The following PDLIM5 variants were observed in gnomAD, a reference collection of about 807,000 sequenced individuals.
The protein encoded by PDLIM5 is PDZ and LIM domain 5, also known as PDZ and LIM domain protein 5.
Under a neutral mutation model 64.2 loss-of-function variants are expected in PDLIM5, and 34 were observed. That is an observed-to-expected ratio of 0.53 (90% CI 0.40 to 0.71). The LOEUF is 0.71. PDLIM5 is among the 30% of genes least tolerant of loss of function. PDLIM5 has a pLI of 0.00. For synonymous variants in PDLIM5, 253 were observed against 269.1 expected, an observed-to-expected ratio of 0.94 and a Z score of 0.59; for missense variants, 683 against 733.6, an observed-to-expected ratio of 0.93 and a Z score of 0.80.
At chr4:94,531,007 G>C (rs934501401) in intron 3 of PDLIM5, among the ~76,000 whole-genome samples, 1 of 152,134 alleles carries the variant, frequency 6.6e-6, no homozygotes, top group African/African-American at 2.4e-5. Flanking sequence ...GAAGTTTTCA[G>C]TTCTCTATCT....
intron 2 of PDLIM5, among the ~76,000 whole-genome samples, chr4:94,482,096 C>T (rs750806516): frequency 7.9e-5 from 12 of 151,234 alleles, no homozygotes; most frequent in Non-Finnish European, 1.5e-4. Context: ...GAAGTAGCCA[C>T]TTCACAGATA....
chr4:94,660,751 G>A (rs1452799398), intron 11 of PDLIM5, among the ~76,000 whole-genome samples: 2 of 152,174 alleles, frequency 1.3e-5, no homozygotes, highest in East Asian at 3.9e-4. Flanking sequence ...AAGGTTAATC[G>A]AGTTGCAAAT....
chr4:94,455,795 AT>A (rs769857194), intron 2 of PDLIM5: 2 of 1,515,518 alleles, frequency 1.3e-6, no homozygotes, highest in South Asian at 2.4e-5. Flanking sequence ...GAATAAAATG[AT>A]TGTTTCGGAA....
At chr4:94,614,879 C>A (rs1025587391) in intron 7 of PDLIM5, among the ~76,000 whole-genome samples, 4 of 152,192 alleles carry the variant, frequency 2.6e-5, no homozygotes, top group Non-Finnish European at 5.9e-5. Context: ...AAGATTTTGT[C>A]TGGGGTCAAT....
chr4:94,659,541 T>C (rs1553984132), intron 11 of PDLIM5, among the ~76,000 whole-genome samples: 1 of 141,994 alleles, frequency 7.0e-6, no homozygotes, highest in African/African-American at 2.6e-5. Context: ...TGTGTGTGTA[T>C]TGTTTAGACG....
chr4:94,547,493 C>T (rs1041519368), intron 3 of PDLIM5, among the ~76,000 whole-genome samples: 34 of 152,254 alleles, frequency 2.2e-4, no homozygotes, highest in Non-Finnish European at 2.4e-4. Flanking sequence ...AGTAGGCCCA[C>T]TGGATAATCT....
At chr4:94,494,432 G>GGTTTTTTTTT (rs1553940971) in intron 2 of PDLIM5, among the ~76,000 whole-genome samples, 19 of 70,770 alleles carry the variant, frequency 2.7e-4, no homozygotes, top group Non-Finnish European at 4.4e-4. Context: ...TTTTTTTCTT[G>GGTTTTTTTTT]TTTTTTTTTT....
rs1432836041 is a variant in PDLIM5, at chr4:94,535,040, G to C, written c.248+11165G>C. ...CTTAGACACTGAGGTATTATTGAAAGCTTTATCAGAAAAGTGACATTTTCA... is the reference window on the plus strand; with the variant it reads ...CTTAGACACTGAGGTATTATTGAAACCTTTATCAGAAAAGTGACATTTTCA... On this transcript the variant is annotated intron_variant, in intron 3 of 12. Coordinates refer to ENST00000317968, the MANE Select transcript of PDLIM5 (RefSeq NM_006457.5). Among the ~76,000 whole-genome samples, 5 of 152,298 alleles carry C rather than the reference G, an allele frequency of 3.3e-5. No homozygotes were observed. The East Asian group carries it at 9.6e-4, about 29-fold the overall frequency.
Position 94,666,562 on chromosome 4 carries a change from T to G in PDLIM5, c.*2495T>G, listed in dbSNP as rs1355007046. On this transcript the variant is annotated 3_prime_UTR_variant, in exon 13 of 13. Transcript: ENST00000317968. ...ATACAAAATAAGTTGATGGTTTTGTTTGGTGTGAGCTTTTTGTTTGTTTGT... is the reference window on the plus strand; with the variant it reads ...ATACAAAATAAGTTGATGGTTTTGTGTGGTGTGAGCTTTTTGTTTGTTTGT... 6.7e-6 allele frequency: 1 copy of G among 148,756 alleles called. No individual in the cohort carries two copies. The highest frequency in any genetic ancestry group is 2.4e-5 in the African/African-American group (1 of 40,898). The allele number at this position is 148,756 out of a possible 1,614,324, so 9.2% of individuals were successfully genotyped here. A position where few individuals can be genotyped will look rare whatever the true frequency, so the allele number is the denominator to read the frequency against.
intron 3 of PDLIM5, among the ~76,000 whole-genome samples, chr4:94,550,211 A>G (rs1732690971): frequency 6.6e-6 from 1 of 152,156 alleles, no homozygotes; most frequent in South Asian, 2.1e-4. Context: ...TGTCTTAAAT[A>G]TTCTTCTCTT....
chr4:94,524,258 A>C (rs1413466045), intron 3 of PDLIM5, among the ~76,000 whole-genome samples: 2 of 151,274 alleles, frequency 1.3e-5, no homozygotes, highest in African/African-American at 2.4e-5. Context: ...AGTCCCAGCT[A>C]TCCAGGAGGC....
chr4:94,540,052 C>T (rs1731655300), intron 3 of PDLIM5, among the ~76,000 whole-genome samples: 1 of 151,610 alleles, frequency 6.6e-6, no homozygotes, highest in African/African-American at 2.4e-5. Context: ...TAATGTGTGT[C>T]AGACATTCTT....
At chr4:94,486,489 T>A (rs1726351042) in intron 2 of PDLIM5, among the ~76,000 whole-genome samples, 1 of 152,178 alleles carries the variant, frequency 6.6e-6, no homozygotes, top group Non-Finnish European at 1.5e-5. Context: ...CATCCCCTTT[T>A]TTCTTACTAG....
intron 7 of PDLIM5, among the ~76,000 whole-genome samples, chr4:94,601,332 G>A (rs1737473857): frequency 6.6e-6 from 1 of 152,094 alleles, no homozygotes; most frequent in Admixed American, 6.6e-5. Context: ...AGCGCTCTCT[G>A]CCTGTGTGAC....
At chr4:94,563,671 C>T (rs1258395353) in intron 3 of PDLIM5, among the ~76,000 whole-genome samples, 1 of 152,156 alleles carries the variant, frequency 6.6e-6, no homozygotes, top group East Asian at 1.9e-4. Flanking sequence ...AGATGTGCCT[C>T]TGGTATTAGC....
rs952959496 is a variant in PDLIM5, at chr4:94,462,740, G to A, written c.96+7356G>A. Among the ~76,000 whole-genome samples the A allele has an allele frequency of 5.3e-5, 8 of 152,212 alleles. No individual in the cohort carries two copies. The East Asian group carries it at 1.2e-3, about 22-fold the overall frequency. On this transcript the variant is annotated intron_variant, in intron 2 of 12. Transcript: ENST00000317968. ...ATTTGTAATTTTGACTGATATTGCC[G>A]TCTTTATAGAGACACTCCTGCTCAT...
chr4:94,567,744 A>G (rs890484338), intron 3 of PDLIM5, among the ~76,000 whole-genome samples: 6 of 152,180 alleles, frequency 3.9e-5, no homozygotes, highest in African/African-American at 9.7e-5. Flanking sequence ...AGCACTCTTT[A>G]TCATTTATTA....
In PDLIM5 at chr4:94,640,320, T is replaced by G; in HGVS notation, c.1153T>G (p.Ser385Ala). ...RISNSATYSGSVAPANSALGQ... is the reference protein window; with the variant it reads ...RISNSATYSGAVAPANSALGQ... ...CTCAAACAGCGCTACTTACTCAGGA[T>G]CAGTGGCACCAGCCAACTCAGCTTT... Residue 385 changes from serine to alanine, a missense_variant, in exon 9 of 13, where the codon TCA becomes GCA. Transcript: ENST00000317968. The G allele has an allele frequency of 6.2e-7, 1 of 1,612,120 alleles. No individual in the cohort carries two copies. Among genetic ancestry groups the G allele is most frequent in the Non-Finnish European group, 8.5e-7 (1 of 1,178,292 alleles).
intron 5 of PDLIM5, chr4:94,577,334 A>C (rs746997051): frequency 2.2e-6 from 1 of 456,380 alleles, no homozygotes; most frequent in African/African-American, 2.0e-5. Context: ...TGCCATGGCA[A>C]CTTTGGGGCT....
Sources: allele counts gnomAD v4.1 joint callset (sites outside exome capture counted in the v4.1 genomes callset), GRCh38; gene constraint gnomAD v4.1.1; transcripts MANE v1.5; gene names NCBI Gene and HGNC (gene_info 2026-07-23, HGNC 2026-07-21).